The following MLPH variants were observed in gnomAD, a reference collection of about 807,000 sequenced individuals.
MLPH encodes exophilin-3.
Under a neutral mutation model 72.1 loss-of-function variants are expected in MLPH, and 51 were observed. The ratio of observed to expected loss-of-function variants is 0.71; its 90% confidence interval spans 0.56 to 0.89. MLPH has a LOEUF of 0.89. MLPH is among the 40% of genes least tolerant of loss of function. The pLI is 0.00. For synonymous variants in MLPH, 301 were observed against 310.1 expected (o/e 0.97, Z 0.31); for missense variants, 743 against 759.9 (o/e 0.98, Z 0.26).
intron 4 of MLPH, among the ~76,000 whole-genome samples, chr2:237,513,145 T>A (rs1173290342): frequency 6.6e-6 from 1 of 150,772 alleles, no homozygotes; most frequent in Non-Finnish European, 1.5e-5. Context: ...TTAAGGTTAA[T>A]GTTTTGAAAC....
chr2:237,493,055 C>A (rs2079459621), intron 1 of MLPH, among the ~76,000 whole-genome samples: 2 of 152,176 alleles, frequency 1.3e-5, no homozygotes, highest in South Asian at 4.1e-4. Flanking sequence ...CCAGGGTTTT[C>A]CATTGCAAAG....
chr2:237,498,027 C>T (rs571233386), intron 2 of MLPH, among the ~76,000 whole-genome samples: 16 of 152,248 alleles, frequency 1.1e-4, no homozygotes, highest in South Asian at 4.2e-4. Flanking sequence ...CGACCCAGCC[C>T]GAGGAAACTC....
intron 4 of MLPH, among the ~76,000 whole-genome samples, chr2:237,513,941 G>A (rs1208312573): frequency 3.3e-5 from 5 of 152,150 alleles, no homozygotes; most frequent in African/African-American, 9.7e-5. Context: ...AAATCATCTC[G>A]TAAAAGGCAG....
intron 1 of MLPH, among the ~76,000 whole-genome samples, chr2:237,491,584 G>A (rs1421379079): frequency 6.6e-6 from 1 of 152,158 alleles, no homozygotes; most frequent in Non-Finnish European, 1.5e-5. Flanking sequence ...ACTGTTAAGG[G>A]GTATAAAGAA....
chr2:237,540,739 C>T (rs759693973), intron 10 of MLPH, 63 bp from the exon 11 acceptor site: 11 of 1,596,566 alleles, frequency 6.9e-6, no homozygotes, highest in Non-Finnish European at 9.4e-6. Context: ...GGTGAGTCCC[C>T]ATCTGGGTGA....
chr2:237,532,047 A>G (rs187680213), intron 8 of MLPH, among the ~76,000 whole-genome samples: 8 of 152,352 alleles, frequency 5.3e-5, no homozygotes, highest in African/African-American at 1.9e-4. Context: ...ATGCATCTTT[A>G]TATGGAGGAA....
At chr2:237,498,842 G>C (rs1453147739) in intron 2 of MLPH, among the ~76,000 whole-genome samples, 1 of 152,316 alleles carries the variant, frequency 6.6e-6, no homozygotes, top group East Asian at 1.9e-4. Context: ...AAATTAGGAT[G>C]TTAGCACCAC....
intron 4 of MLPH, among the ~76,000 whole-genome samples, chr2:237,516,928 G>A (rs2080040459): frequency 1.4e-5 from 2 of 146,520 alleles, no homozygotes; most frequent in Admixed American, 1.3e-4. Context: ...TGGATGGATG[G>A]ATGGATGGAT....
intron 1 of MLPH, 148 bp downstream of exon 1, chr2:237,487,585 G>C (rs969658122): frequency 6.5e-6 from 1 of 153,008 alleles, no homozygotes; most frequent in Non-Finnish European, 1.5e-5. Context: ...GTCCAGGCTG[G>C]TGAGGACAGC....
intron 2 of MLPH, among the ~76,000 whole-genome samples, chr2:237,502,247 A>G (rs1447641260): frequency 2.0e-5 from 3 of 152,216 alleles, no homozygotes; most frequent in Non-Finnish European, 4.4e-5. Flanking sequence ...TTATTTTTTA[A>G]TGTTCTACAA....
chr2:237,551,421 A>G (rs754359012), intron 14 of MLPH, among the ~76,000 whole-genome samples: 7 of 152,264 alleles, frequency 4.6e-5, no homozygotes, highest in Non-Finnish European at 1.0e-4. Context: ...GCAAGCTCCC[A>G]GCTGATGTCA....
intron 2 of MLPH, 142 bp downstream of exon 2, chr2:237,493,678 C>T (rs2079475451): frequency 1.5e-6 from 1 of 677,152 alleles, no homozygotes; most frequent in African/African-American, 1.8e-5. Flanking sequence ...GGACACAGCT[C>T]TTCTTTCTGG....
At chr2:237,498,068 G>C (rs1229977607) in intron 2 of MLPH, among the ~76,000 whole-genome samples, 2 of 152,188 alleles carry the variant, frequency 1.3e-5, no homozygotes, top group East Asian at 1.9e-4. Context: ...GGAGAGAACA[G>C]GGGTGGGGGA....
At chr2:237,519,084 T>A (rs1287401744) in intron 5 of MLPH, among the ~76,000 whole-genome samples, 3 of 145,466 alleles carry the variant, frequency 2.1e-5, no homozygotes, top group Non-Finnish European at 2.9e-5. Context: ...TTTTGTTTTG[T>A]TTGTTTTTTT....
chr2:237,500,154 T>C (rs1186633084), intron 2 of MLPH, among the ~76,000 whole-genome samples: 1 of 152,248 alleles, frequency 6.6e-6, no homozygotes, highest in African/African-American at 2.4e-5. Context: ...TGTTGGAGTC[T>C]AGTCCCTTCT....
At chr2:237,520,745 G>GC (rs1387773508) in intron 6 of MLPH, among the ~76,000 whole-genome samples, 1 of 152,202 alleles carries the variant, frequency 6.6e-6, no homozygotes, top group African/African-American at 2.4e-5. Flanking sequence ...GTTTAATCAG[G>GC]CCTTTCTGAG....
At chr2:237,504,030 G>A (rs1401048631) in intron 2 of MLPH, among the ~76,000 whole-genome samples, 1 of 152,130 alleles carries the variant, frequency 6.6e-6, no homozygotes, top group Admixed American at 6.5e-5. Context: ...AAAGGGGCCA[G>A]GAGCCCACAT....
chr2:237,530,446 G>T (rs7585975), intron 8 of MLPH, among the ~76,000 whole-genome samples: 2 of 152,126 alleles, frequency 1.3e-5, no homozygotes, highest in African/African-American at 4.8e-5. Context: ...TAGGGGTTTG[G>T]GTTCTAAAAT....
chr2:237,497,930 A>G (rs1006472313), intron 2 of MLPH, among the ~76,000 whole-genome samples: 1 of 152,214 alleles, frequency 6.6e-6, no homozygotes, highest in African/African-American at 2.4e-5. Flanking sequence ...ACCACTAAGT[A>G]GGTGGCGGTA....
Sources: allele counts gnomAD v4.1 joint callset (sites outside exome capture counted in the v4.1 genomes callset), GRCh38; gene constraint gnomAD v4.1.1; transcripts MANE v1.5; gene names NCBI Gene and HGNC (gene_info 2026-07-23, HGNC 2026-07-21).